Variants in DOCK8 observed in about 807,000 individuals in gnomAD.
DOCK8 encodes the protein dedicator of cytokinesis protein 8.
DOCK8 carries 141 observed loss-of-function variants against 245.6 expected under a neutral mutation model. The observed-to-expected ratio is 0.57, with a 90% confidence interval of 0.50 to 0.66. The LOEUF (loss-of-function observed/expected upper bound fraction) is 0.66. DOCK8 is among the 30% of genes least tolerant of loss of function. The probability of loss-of-function intolerance (pLI) is 0.00; values close to 1 mark genes in which losing one functional copy is unlikely to be tolerated. For synonymous variants in DOCK8, 1,168 were observed against 970.2 expected (o/e 1.20, Z -3.79); for missense variants, 2,965 against 2,603.4 (o/e 1.14, Z -3.02).
intron 44 of DOCK8, among the ~76,000 whole-genome samples, chr9:446,826 T>C (rs2057278198): frequency 6.6e-6 from 1 of 151,980 alleles, no homozygotes; most frequent in Non-Finnish European, 1.5e-5. Flanking sequence ...TTTAATATTT[T>C]AAAGTTATAT....
Position 379,676 on chromosome 9 carries a change from G to A in DOCK8, c.2441-95G>A, listed in dbSNP as rs779153258. 2.1e-5 allele frequency: 29 copies of A among 1,378,078 alleles called. 1 individual carries two copies. In the South Asian group the frequency reaches 2.2e-4, roughly 10 times the overall value. The allele number at this position is 1,378,078 out of a possible 1,614,324, so 85.4% of individuals were successfully genotyped here. The stretch of plus-strand genomic sequence containing the variant: ...CCCAGGCCTAGTTAAATTGGTCAGC[G>A]GTCAGGACTCATTGTCACTGTCCTG... On this transcript the variant is annotated intron_variant, in intron 20 of 47. Coordinates refer to ENST00000432829, the MANE Select transcript of DOCK8 (RefSeq NM_203447.4).
intron 12 of DOCK8, 80 bp downstream of exon 12, chr9:336,798 A>T: frequency 6.4e-7 from 1 of 1,554,670 alleles, no homozygotes; most frequent in Non-Finnish European, 8.9e-7. Flanking sequence ...GAGGATACGT[A>T]GTGATTAAGA....
At chr9:231,651 T>G (rs914841764) in intron 1 of DOCK8, among the ~76,000 whole-genome samples, 12 of 152,328 alleles carry the variant, frequency 7.9e-5, no homozygotes, top group African/African-American at 2.6e-4. Context: ...TTTTATTCTC[T>G]TTGAAGCAAT....
intron 13 of DOCK8, among the ~76,000 whole-genome samples, chr9:339,838 T>G (rs1444838238): frequency 6.6e-6 from 1 of 152,158 alleles, no homozygotes; most frequent in Admixed American, 6.6e-5. Flanking sequence ...AAACTCCCAA[T>G]TTTTACTGCT....
upstream of DOCK8, chr9:214,293 A>C (rs988712590): frequency 1.9e-6 from 1 of 538,464 alleles, no homozygotes; most frequent in African/African-American, 2.0e-5. Context: ...TCCGGAGAAA[A>C]GCATTCACGC....
intron 29 of DOCK8, among the ~76,000 whole-genome samples, chr9:416,314 A>G (rs988925392): frequency 9.9e-5 from 15 of 152,220 alleles, no homozygotes; most frequent in African/African-American, 3.6e-4. Flanking sequence ...GCCCATTTTG[A>G]GAATCCTTGA....
chr9:245,215 TA>T (rs2047480218), intron 1 of DOCK8, among the ~76,000 whole-genome samples: 2 of 152,184 alleles, frequency 1.3e-5, no homozygotes, highest in African/African-American at 4.8e-5. Flanking sequence ...TTCATTTATT[TA>T]TTTTTTGAGA....
intron 36 of DOCK8, among the ~76,000 whole-genome samples, chr9:430,554 C>T (rs929814317): frequency 1.5e-4 from 23 of 150,564 alleles, no homozygotes; most frequent in Admixed American, 1.5e-3. Flanking sequence ...GTGGCACACA[C>T]GCCCGTAATC....
intron 2 of DOCK8, among the ~76,000 whole-genome samples, chr9:278,718 G>C (rs993772360): frequency 6.6e-6 from 1 of 152,190 alleles, no homozygotes; most frequent in Non-Finnish European, 1.5e-5. Context: ...TACGTGCAAA[G>C]TCCCCAAAAC....
chr9:438,669 G>A (rs1369587674), intron 39 of DOCK8, among the ~76,000 whole-genome samples: 1 of 151,918 alleles, frequency 6.6e-6, no homozygotes, highest in Non-Finnish European at 1.5e-5. Flanking sequence ...AAACGCAATA[G>A]TTTATGTAAA....
chr9:358,316 A>G (rs2052547279), intron 14 of DOCK8, among the ~76,000 whole-genome samples: 1 of 151,934 alleles, frequency 6.6e-6, no homozygotes. Flanking sequence ...CTAGTCTCGA[A>G]CTCCTGGCCT....
intron 14 of DOCK8, 46 bp from the exon 15 acceptor site, chr9:367,972 T>C (rs1213927154): frequency 1.3e-6 from 2 of 1,506,370 alleles, no homozygotes; most frequent in East Asian, 4.5e-5. Context: ...TTAGTTAAAA[T>C]AAACTCTAGA....
chr9:369,594 G>A (rs1473055123), intron 15 of DOCK8: 1 of 154,006 alleles, frequency 6.5e-6, no homozygotes, highest in Admixed American at 6.4e-5. Flanking sequence ...GAAGAACCTG[G>A]AACTGGGGAT....
At chr9:234,940 G>A (rs2047210663) in intron 1 of DOCK8, among the ~76,000 whole-genome samples, 1 of 152,160 alleles carries the variant, frequency 6.6e-6, no homozygotes, top group African/African-American at 2.4e-5. Context: ...TTGCTGGTGA[G>A]GAGCTGCGTT....
At chr9:238,804 A>AAATTAATGC in intron 1 of DOCK8, among the ~76,000 whole-genome samples, 1 of 152,246 alleles carries the variant, frequency 6.6e-6, no homozygotes, top group African/African-American at 2.4e-5. Flanking sequence ...CATATAAGAA[A>AAATTAATGC]AATTAATGCA....
intron 14 of DOCK8, among the ~76,000 whole-genome samples, chr9:350,625 T>C (rs2052117823): frequency 6.6e-6 from 1 of 152,188 alleles, no homozygotes. Context: ...GAGGAAGGAA[T>C]TGATTGATGG....
At chr9:311,785 G>A (rs1178033435) in intron 5 of DOCK8, among the ~76,000 whole-genome samples, 169 bp from the exon 6 acceptor site, 1 of 152,202 alleles carries the variant, frequency 6.6e-6, no homozygotes, top group Non-Finnish European at 1.5e-5. Context: ...AGTCCAGCCA[G>A]GAAGCTGAGA....
chr9:232,106 G>A (rs576921883), intron 1 of DOCK8, among the ~76,000 whole-genome samples: 2 of 152,188 alleles, frequency 1.3e-5, no homozygotes, highest in African/African-American at 4.8e-5. Context: ...TTAGCATGAA[G>A]CGTTGTTGGA....
intron 1 of DOCK8, among the ~76,000 whole-genome samples, chr9:241,241 T>C (rs2047366988): frequency 6.6e-6 from 1 of 152,170 alleles, no homozygotes. Context: ...GCATGTTCAA[T>C]ATCCTCCCTT....
Sources: gnomAD v4.1 joint callset for allele counts (sites outside exome capture counted in the v4.1 genomes callset) on GRCh38, gnomAD v4.1.1 for gene constraint, MANE v1.5 for transcripts, NCBI Gene and HGNC (gene_info 2026-07-23, HGNC 2026-07-21) for gene names.